TTN: variants seen among roughly 807,000 people sequenced by gnomAD.
TTN encodes the protein titin.
TTN carries 1,525 observed loss-of-function variants against 3,223.0 expected under a neutral mutation model. The ratio of observed to expected loss-of-function variants is 0.47; its 90% confidence interval spans 0.45 to 0.49. The LOEUF is 0.49. Among genes scored for constraint, TTN ranks in the 20% least tolerant of loss-of-function variants. The pLI, the probability that TTN is intolerant of heterozygous loss-of-function variation, is 0.00. For synonymous variants in TTN, 14,094 were observed against 15,161.0 expected, an observed-to-expected ratio of 0.93 and a Z score of 5.17; for missense variants, 40,786 against 43,424.0, an observed-to-expected ratio of 0.94 and a Z score of 5.40.
rs769860024 is a variant in TTN, at chr2:178,576,694, G to A, written c.69550C>T (p.Leu23184=). The A allele has an allele frequency of 1.2e-6, 2 of 1,613,496 alleles. No homozygotes were observed. Among genetic ancestry groups the A allele is most frequent in the Non-Finnish European group, 1.7e-6 (2 of 1,179,596 alleles). Residue 23184 remains leucine (L), a synonymous_variant, in exon 325 of 363, where the codon CTG becomes TTG. Transcript: ENST00000589042. This position sits in a 1 kb window ranked among gnomAD's most constrained non-coding sequence, Gnocchi z 4.3. ...GTTTTTATTGCTCTCACCCATCGCA[G>A]GCTTTTCTTTTCTCTCCTTTCTACA... is the stretch of plus-strand genomic sequence containing the variant. ...YHVERREKKS[L]RWVRAIKTPV...
In TTN at chr2:178,583,004, G is replaced by A. The variant is rs370123011; in HGVS notation, c.65799C>T (p.Asp21933=). 1.3e-5 allele frequency: 20 copies of A among 1,593,348 alleles called. No homozygotes were observed. The highest frequency in any genetic ancestry group is 1.5e-5 in the Non-Finnish European group (17 of 1,168,302). ...TTGAATTTTCAGCAGTAATGGTATAGTCTCCTGAGTCCTTCCGGTTCACGC... is the reference window on the plus strand; with the variant it reads ...TTGAATTTTCAGCAGTAATGGTATAATCTCCTGAGTCCTTCCGGTTCACGC... The part of the protein sequence containing the change: ...LFSVNRKDSG[D]YTITAENSSG... Residue 21933 remains aspartate (D), a synonymous_variant, in exon 313 of 363, where the codon GAC becomes GAT. Transcript: ENST00000589042.
chr2:178,710,911 G>C lies in TTN; in HGVS notation c.28186C>G (p.Pro9396Ala). ...ARLILTEGKN[P>A]PFFDIRLAPV... The stretch of plus-strand genomic sequence containing the variant: ...GCAAGACGGATGTCAAAGAAGGGTG[G>C]GTTCTTCCCCTCTAATAGTAGAGCA... Residue 9396 changes from proline to alanine, a missense_variant, in exon 98 of 363, where the codon CCA becomes GCA. By Grantham distance (27) the Pro-to-Ala change is conservative. Transcript: ENST00000589042. 1 of 1,612,884 alleles carries C rather than the reference G, an allele frequency of 6.2e-7. No homozygotes were observed. Among genetic ancestry groups the C allele is most frequent in the Non-Finnish European group, 8.5e-7 (1 of 1,179,058 alleles).
intron 106 of TTN, among the ~76,000 whole-genome samples, chr2:178,703,376 G>T (rs1258961253): frequency 6.6e-6 from 1 of 152,052 alleles, no homozygotes; most frequent in Non-Finnish European, 1.5e-5. Flanking sequence ...ACTTGCAGCT[G>T]GCCCTTTAAT....
chr2:178,723,579 G>A lies in TTN; in HGVS notation c.21521C>T (p.Ala7174Val), dbSNP rs764832849. 1.6e-5 allele frequency: 26 copies of A among 1,613,214 alleles called. No homozygotes were observed. The highest frequency in any genetic ancestry group is 1.5e-4 in the Admixed American group (9 of 59,930). The change falls in exon 74 of 363, where the codon GCC becomes GTC. Residue 7174 changes from alanine to valine, a missense_variant. Physicochemically the swap from Ala to Val is moderately conservative, Grantham distance 64. Transcript: ENST00000589042. Reference protein sequence around the residue: ...PPFKVNWFRGARELVKGDRCN... With the variant: ...PPFKVNWFRGVRELVKGDRCN... ...CCGGTCTCCTTTCACTAGTTCTCTG[G>A]CACCTCTGAACCAGTTGACTTTGAA...
chr2:178,538,752 C>G lies in TTN; in HGVS notation c.99077G>C (p.Gly33026Ala), dbSNP rs761864497. ...TLQWEKPECD[G>A]GKEILGYWVE... ...CCAGTATCCAAGAATTTCTTTACCACCATCACATTCAGGTTTCTCCCACTG... is the reference window on the plus strand; with the variant it reads ...CCAGTATCCAAGAATTTCTTTACCAGCATCACATTCAGGTTTCTCCCACTG... The change falls in exon 354 of 363, where the codon GGT (glycine) becomes GCT (alanine). Residue 33026 changes from glycine to alanine, a missense_variant. Gly to Ala is a moderately conservative substitution (Grantham distance 60). Coordinates refer to ENST00000589042, the MANE Select transcript of TTN (RefSeq NM_001267550.2). 1 of 1,613,722 alleles carries G rather than the reference C, an allele frequency of 6.2e-7. No homozygotes were observed. Among genetic ancestry groups the G allele is most frequent in the East Asian group, 2.2e-5 (1 of 44,872 alleles).
At chr2:178,681,860 AG>A in intron 135 of TTN, 122 bp from the exon 136 acceptor site, 1 of 775,838 alleles carries the variant, frequency 1.3e-6, no homozygotes, top group Non-Finnish European at 1.9e-6. Flanking sequence ...AGCCTATTGA[AG>A]TAGGCAAGAA....
At position 178,663,873 on chromosome 2, in the gene TTN, C is replaced by G. The variant is rs913650930; in HGVS notation, c.36394G>C (p.Glu12132Gln). Residue 12132 changes from glutamate to glutamine, a missense_variant, in exon 170 of 363, where the codon GAA becomes CAA. Transcript: ENST00000589042. ...VPEASKEVIR[E>Q]EKVPLAPPKE... is the part of the protein sequence containing the mutation. ...GGAGGAGCCAAGGGCACTTTCTCTT[C>G]GCGGATAACCTCTTTGGAAGCTTCT... 1 of 1,613,178 alleles carries G rather than the reference C, an allele frequency of 6.2e-7. No homozygotes were observed. Among genetic ancestry groups the G allele is most frequent in the African/African-American group, 1.3e-5 (1 of 74,872 alleles).
At chr2:178,796,059 TTTCA>T (rs1561478538) in intron 6 of TTN, among the ~76,000 whole-genome samples, 3 of 152,238 alleles carry the variant, frequency 2.0e-5, no homozygotes, top group African/African-American at 7.2e-5. Context: ...CCAGAATAGT[TTTCA>T]TTGTTTGCTT....
Position 178,607,581 on chromosome 2 carries a change from T to C in TTN, c.53107A>G (p.Thr17703Ala). 1 of 1,613,218 alleles carries C rather than the reference T, an allele frequency of 6.2e-7. No individual in the cohort carries two copies. The stretch of plus-strand genomic sequence containing the variant: ...CCTTCTTCTTTGGTCCATACTTTTG[T>C]AGGTACAGGGCGACCAGTCACCACA... ...PAVVTGRPVP[T>A]KVWTKEEGEL... The change falls in exon 277 of 363, where the codon ACA becomes GCA. Residue 17703 changes from threonine (T) to alanine (A), a missense_variant. Coordinates refer to ENST00000589042, the MANE Select transcript of TTN (RefSeq NM_001267550.2).
Position 178,565,597 on chromosome 2 carries a change from A to G in TTN, c.80535T>C (p.Ser26845=), listed in dbSNP as rs1422087402. 9 of 1,613,532 alleles carry G rather than the reference A, an allele frequency of 5.6e-6. No individual in the cohort carries two copies. In the Admixed American group the frequency reaches 6.7e-5, roughly 12 times the overall value. ...VCNAVVTGLS[S]GQEYQFRVKA... ...TGACACGGAACTGATATTCTTGTCC[A>G]GAACTCAAACCAGTAACAACTGCAT... Residue 26845 remains serine, a synonymous_variant, in exon 326 of 363, where the codon TCT becomes TCC. Transcript: ENST00000589042.
rs757053370 is a variant in TTN, at chr2:178,565,246, T to G, written c.80886A>C (p.Thr26962=). 3.7e-6 allele frequency: 6 copies of G among 1,613,654 alleles called. No homozygotes were observed. The South Asian group carries it at 6.6e-5, about 18-fold the overall frequency. ...CTAAAACGATAACACTGAGATTTTCTGTTGCTGTGCCTGCACTATTTGTTG... is the reference window on the plus strand; with the variant it reads ...CTAAAACGATAACACTGAGATTTTCGGTTGCTGTGCCTGCACTATTTGTTG... The part of the protein sequence containing the change: ...VTATNSAGTA[T]ENLSVIVLEK... Residue 26962 remains threonine, a synonymous_variant, in exon 326 of 363, where the codon ACA becomes ACC. Coordinates refer to ENST00000589042, the MANE Select transcript of TTN (RefSeq NM_001267550.2).
At position 178,688,102 on chromosome 2, in the gene TTN, A is replaced by T. The variant is rs573677447; in HGVS notation, c.32311+9T>A. Reference sequence around the variant, plus strand: ...CCCAGATCATCTCTAGCTTATTTGCATTGTTTACCTTCATATTCTGTAACC... The same window carrying T: ...CCCAGATCATCTCTAGCTTATTTGCTTTGTTTACCTTCATATTCTGTAACC... On this transcript the variant is annotated intron_variant, in intron 127 of 362. Transcript: ENST00000589042. The T allele has an allele frequency of 1.9e-6, 3 of 1,608,916 alleles. No homozygotes were observed. Among genetic ancestry groups the T allele is most frequent in the East Asian group, 4.5e-5 (2 of 44,814 alleles).
Position 178,532,780 on chromosome 2 carries a change from G to C in TTN, c.103835C>G (p.Thr34612Arg), listed in dbSNP as rs1433454372. Residue 34612 changes from threonine (T) to arginine (R), a missense_variant, in exon 358 of 363, where the codon ACA (threonine) becomes AGA (arginine). Physicochemically the swap from Thr to Arg is moderately conservative, Grantham distance 71 (BLOSUM62 -1). Coordinates refer to ENST00000589042, the MANE Select transcript of TTN (RefSeq NM_001267550.2). ...QFYVMPLPRI[T>R]DQYRPKWRIP... ...ACGCCATTTAGGTCTGTATTGATCT[G>C]TAATGCGTGGAAGAGGCATCACATA... The C allele has an allele frequency of 1.2e-6, 2 of 1,613,850 alleles. No individual in the cohort carries two copies. The highest frequency in any genetic ancestry group is 2.7e-5 in the African/African-American group (2 of 74,930).
intron 10 of TTN, among the ~76,000 whole-genome samples, chr2:178,791,860 C>A (rs980274199): frequency 6.6e-6 from 1 of 152,114 alleles, no homozygotes; most frequent in Non-Finnish European, 1.5e-5. Flanking sequence ...GTTCTGTAGA[C>A]AATCTCCTGA....
chr2:178,791,897 T>G (rs994068831), intron 10 of TTN, among the ~76,000 whole-genome samples, 175 bp downstream of exon 10: 10 of 152,148 alleles, frequency 6.6e-5, no homozygotes, highest in African/African-American at 2.2e-4. Context: ...TGGAAAATAG[T>G]GCAATGTGAA....
Position 178,709,738 on chromosome 2 carries a change from C to T in TTN, c.28581G>A (p.Trp9527Ter). The change falls in exon 99 of 363, where the codon TGG becomes TGA. Residue 9527 changes from tryptophan (W) to a stop codon, truncating the protein, a stop_gained. Transcript: ENST00000589042. LOFTEE classifies it high-confidence loss of function. ...GTTGTATCTCTATATTATTTTTGTA[C>T]CAGGCAACAGTTATAGGTTGGGAAC... ...VAGSQPITVA[W>*]YKNNIEIQPT... 1 of 1,613,786 alleles carries T rather than the reference C, an allele frequency of 6.2e-7. No individual in the cohort carries two copies. Among genetic ancestry groups the T allele is most frequent in the Non-Finnish European group, 8.5e-7 (1 of 1,179,800 alleles).
intron 111 of TTN, among the ~76,000 whole-genome samples, chr2:178,700,505 A>G (rs1451535073): frequency 2.0e-5 from 3 of 152,236 alleles, no homozygotes; most frequent in Non-Finnish European, 4.4e-5. Context: ...AGAAAGTCCC[A>G]GGAAATCTGT....
intron 71 of TTN, 70 bp from the exon 72 acceptor site, chr2:178,724,608 T>C: frequency 7.0e-7 from 1 of 1,438,374 alleles, no homozygotes; most frequent in Non-Finnish European, 9.1e-7. Flanking sequence ...TCACATTCAC[T>C]AAGATTGTTT....
At position 178,551,067 on chromosome 2, in the gene TTN, A is replaced by C. The variant is rs780989266; in HGVS notation, c.91464T>G (p.Pro30488=). 2.5e-6 allele frequency: 4 copies of C among 1,613,424 alleles called. 1 individual carries two copies. The highest frequency in any genetic ancestry group is 3.4e-6 in the Non-Finnish European group (4 of 1,179,620). The part of the protein sequence containing the change: ...ECQYTVTGLS[P]GDRYEFRIIA... The stretch of plus-strand genomic sequence containing the variant: ...TTATTCTGAACTCATAGCGATCCCC[A>C]GGACTGAGTCCTGTAACTGTGTACT... Residue 30488 remains proline, a synonymous_variant, in exon 336 of 363, where the codon CCT becomes CCG. Coordinates refer to ENST00000589042, the MANE Select transcript of TTN (RefSeq NM_001267550.2).
Sources: allele counts gnomAD v4.1 joint callset (sites outside exome capture counted in the v4.1 genomes callset), GRCh38; gene constraint gnomAD v4.1.1; non-coding constraint Gnocchi (gnomAD v3.1); transcripts MANE v1.5; gene names NCBI Gene and HGNC (gene_info 2026-07-23, HGNC 2026-07-21).